The following TTN variants were observed in gnomAD, a reference collection of about 807,000 sequenced individuals.
TTN encodes the protein connectin.
TTN carries 1,525 observed loss-of-function variants against 3,223.0 expected under a neutral mutation model. The observed-to-expected ratio is 0.47, with a 90% CI of 0.45 to 0.49. The LOEUF (loss-of-function observed/expected upper bound fraction) is 0.49. Ranked by LOEUF, TTN falls within the 20% of genes least tolerant of loss-of-function variation. The pLI is 0.00. For synonymous variants in TTN, 14,094 were observed against 15,161.0 expected (o/e 0.93, Z 5.17); for missense variants, 40,786 against 43,424.0 (o/e 0.94, Z 5.40).
Position 178,561,439 on chromosome 2 carries a change from A to G in TTN, c.84693T>C (p.Ala28231=), listed in dbSNP as rs1463900936. 1.2e-6 allele frequency: 2 copies of G among 1,613,722 alleles called. No homozygotes were observed. Among genetic ancestry groups the G allele is most frequent in the Admixed American group, 3.3e-5 (2 of 59,978 alleles). ...ATTTACCAATTCCAGCAATATTTTC[A>G]GCATATACACGATACTCATACATCA... ...EGLMYEYRVY[A]ENIAGIGKCS... The change falls in exon 326 of 363, where the codon GCT becomes GCC. Residue 28231 remains alanine, a synonymous_variant. Transcript: ENST00000589042.
Position 178,727,084 on chromosome 2 carries a change from G to T in TTN, c.20275+6C>A. 6.7e-7 allele frequency: 1 copy of T among 1,496,766 alleles called. No individual in the cohort carries two copies. The highest frequency in any genetic ancestry group is 8.9e-7 in the Non-Finnish European group (1 of 1,118,576). 92.7% of individuals were successfully genotyped at this position (1,496,766 alleles called of 1,614,324 possible). ...TTAATGAGAAACACAAGAACAAGAT[G>T]TCTACCTTTTACTATAACCTTGGTA... On this transcript the variant is annotated splice_donor_region_variant and intron_variant, in intron 69 of 362. Transcript: ENST00000589042.
At chr2:178,789,307 T>C in intron 13 of TTN, 53 bp downstream of exon 13, 4 of 1,601,088 alleles carry the variant, frequency 2.5e-6, no homozygotes, top group Non-Finnish European at 3.4e-6. Context: ...ACATGATATG[T>C]GGTATTAATG....
intron 300 of TTN, 45 bp downstream of exon 300, chr2:178,592,730 G>T (rs569639812): frequency 6.2e-7 from 1 of 1,612,348 alleles, no homozygotes; most frequent in Non-Finnish European, 8.5e-7. Flanking sequence ...CATACAATCA[G>T]ACATCTATTT....
At position 178,572,398 on chromosome 2, in the gene TTN, C is replaced by T. The variant is rs753105114; in HGVS notation, c.73734G>A (p.Trp24578Ter). Residue 24578 changes from tryptophan to a stop codon, truncating the protein, a stop_gained, in exon 326 of 363, where the codon TGG becomes TGA. Transcript: ENST00000589042. LOFTEE classifies it high-confidence loss of function. ...AGCCTTCTTGAAGCTGGTCTACCTT[C>T]CAGGAAGTCTTGTGGCAGTTTGTTG... ...TVATNCHKTS[W>*]KVDQLQEGCS... is the part of the protein sequence containing the mutation. The T allele has an allele frequency of 6.2e-7, 1 of 1,613,048 alleles. No homozygotes were observed.
At position 178,539,405 on chromosome 2, in the gene TTN, G is replaced by C; in HGVS notation, c.98660C>G (p.Pro32887Arg). The change falls in exon 352 of 363, where the codon CCA becomes CGA. Residue 32887 changes from proline to arginine, a missense_variant. Pro to Arg is a moderately radical substitution (Grantham distance 103, BLOSUM62 -2). Transcript: ENST00000589042. ...ACTCAATGGTGTTTTTGGTGTGACTGGTTCCTCAGATTTCAAGGGTTTGCT... is the reference window on the plus strand; with the variant it reads ...ACTCAATGGTGTTTTTGGTGTGACTCGTTCCTCAGATTTCAAGGGTTTGCT... ...GISKPLKSEE[P>R]VTPKTPLNPP... is the part of the protein sequence containing the mutation. The C allele has an allele frequency of 6.2e-7, 1 of 1,612,580 alleles. No individual in the cohort carries two copies.
At chr2:178,754,058 A>C (rs1049367681) in intron 46 of TTN, 1 of 152,110 alleles carries the variant, frequency 6.6e-6, no homozygotes, top group African/African-American at 2.4e-5. Flanking sequence ...TGTGTTTGTA[A>C]GAATGAAAAA....
Position 178,533,603 on chromosome 2 carries a change from T to G in TTN, c.103012A>C (p.Lys34338Gln). The G allele has an allele frequency of 6.2e-7, 1 of 1,613,968 alleles. No individual in the cohort carries two copies. The highest frequency in any genetic ancestry group is 8.5e-7 in the Non-Finnish European group (1 of 1,179,858). ...DAEYTVVARN[K>Q]YGEDSCKAKL... ...GCTTTACAGCTGTCTTCACCATATT[T>G]GTTCCTTGCCACAACAGTATATTCA... The change falls in exon 358 of 363, where the codon AAA becomes CAA. Residue 34338 changes from lysine to glutamine, a missense_variant. Lys to Gln is a moderately conservative substitution (Grantham distance 53, BLOSUM62 1). Transcript: ENST00000589042.
intron 133 of TTN, 28 bp downstream of exon 133, chr2:178,683,971 T>TA: frequency 7.0e-7 from 1 of 1,432,904 alleles, no homozygotes; most frequent in South Asian, 1.4e-5. Flanking sequence ...TATTTTGATT[T>TA]TTTTTTTTTT....
At position 178,564,753 on chromosome 2, in the gene TTN, T is replaced by G. The variant is rs1325322358; in HGVS notation, c.81379A>C (p.Ile27127Leu). 1.9e-6 allele frequency: 3 copies of G among 1,612,620 alleles called. No individual in the cohort carries two copies. Among genetic ancestry groups the G allele is most frequent in the Admixed American group, 3.3e-5 (2 of 59,826 alleles). Residue 27127 changes from isoleucine to leucine, a missense_variant, in exon 326 of 363, where the codon ATT becomes CTT. By Grantham distance (5) the Ile-to-Leu change is conservative. Transcript: ENST00000589042. ...GTTGTTTTGAATTTGGTGTCCTGAA[T>G]GGGGGTCTTATTTAACTTGACCCAT... ...ILWVKLNKTPIQDTKFKTTGL... is the reference protein window; with the variant it reads ...ILWVKLNKTPLQDTKFKTTGL...
intron 227 of TTN, 62 bp downstream of exon 227, chr2:178,635,378 G>T: frequency 6.2e-7 from 1 of 1,606,220 alleles, no homozygotes; most frequent in South Asian, 1.1e-5. Flanking sequence ...GTGTTTTGGT[G>T]TGTTATTTGG....
chr2:178,533,193 T>C lies in TTN; in HGVS notation c.103422A>G (p.Gln34474=). Residue 34474 remains glutamine (Q), a synonymous_variant, in exon 358 of 363, where the codon CAA becomes CAG. Coordinates refer to ENST00000589042, the MANE Select transcript of TTN (RefSeq NM_001267550.2). ...KSKEEHERHV[Q]KQIDKTLRMA... is the part of the protein sequence containing the mutation. ...TTCTGAGGGTTTTGTCAATTTGTTT[T>C]TGTACGTGTCGCTCATGCTCCTCCT... 1 of 1,614,006 alleles carries C rather than the reference T, an allele frequency of 6.2e-7. No homozygotes were observed. Among genetic ancestry groups the C allele is most frequent in the African/African-American group, 1.3e-5 (1 of 75,062 alleles).
At position 178,569,878 on chromosome 2, in the gene TTN, G is replaced by A. The variant is rs1168341983; in HGVS notation, c.76254C>T (p.Thr25418=). ...PPNNPKVIDI[T]RSSVFLSWSK... ...TCCAAGAAAGGAATACTGAAGATCT[G>A]GTTATGTCTATGACTTTGGGGTTGT... is the stretch of plus-strand genomic sequence containing the variant. The change falls in exon 326 of 363, where the codon ACC becomes ACT. Residue 25418 remains threonine, a synonymous_variant. Transcript: ENST00000589042. 1.2e-6 allele frequency: 2 copies of A among 1,613,388 alleles called. No homozygotes were observed. The highest frequency in any genetic ancestry group is 1.1e-5 in the South Asian group (1 of 91,052).
At chr2:178,749,684 GC>G in intron 47 of TTN, 1 of 1,612,842 alleles carries the variant, frequency 6.2e-7, no homozygotes, top group Non-Finnish European at 8.5e-7. Context: ...ACTTTCAACT[GC>G]CCCTGAATTG....
In TTN at chr2:178,713,167, T is replaced by A; in HGVS notation, c.26967A>T (p.Glu8989Asp). The A allele has an allele frequency of 1.2e-6, 2 of 1,613,814 alleles. No homozygotes were observed. The highest frequency in any genetic ancestry group is 1.7e-6 in the Non-Finnish European group (2 of 1,179,760). ...NTCALTVNML[E>D]ESDSGDYTCI... The stretch of plus-strand genomic sequence containing the variant: ...ATGTGTAGTCACCACTGTCTGATTC[T>A]TCCAGCATGTTCACAGTTAAAGCAC... The change falls in exon 93 of 363, where the codon GAA (glutamate) becomes GAT (aspartate). Residue 8989 changes from glutamate (E) to aspartate (D), a missense_variant. Transcript: ENST00000589042.
chr2:178,681,620 A>T, intron 136 of TTN, 41 bp downstream of exon 136: 1 of 1,574,644 alleles, frequency 6.4e-7, no homozygotes, highest in Non-Finnish European at 8.6e-7. Flanking sequence ...CATGGAGGAA[A>T]CAAAGATCTC....
At chr2:178,640,132 G>C (rs773140105) in intron 221 of TTN, 22 bp from the exon 222 acceptor site, 2 of 1,606,442 alleles carry the variant, frequency 1.2e-6, no homozygotes, top group Non-Finnish European at 1.7e-6. Context: ...TAGAGTAGAG[G>C]GCAGATTATT....
chr2:178,613,420 A>G, intron 263 of TTN, 144 bp from the exon 264 acceptor site: 4 of 754,620 alleles, frequency 5.3e-6, no homozygotes, highest in Non-Finnish European at 8.3e-6. Flanking sequence ...AATATAAATT[A>G]AAAATTGCTT....
rs879210476 is a variant in TTN at position 178,624,505 on chromosome 2, A to G, written c.44775T>C (p.Asp14925=). 3.1e-6 allele frequency: 5 copies of G among 1,612,606 alleles called. No individual in the cohort carries two copies. In the African/African-American group the frequency reaches 4.0e-5, roughly 13 times the overall value. The change falls in exon 242 of 363, where the codon GAT becomes GAC. Residue 14925 remains aspartate (D), a synonymous_variant. Transcript: ENST00000589042. ...TPEDIKTYTC[D]AKDFKTSCNL... ...TACAGGAAGTCTTAAAATCCTTAGC[A>G]TCACAAGTGTATGTTTTAATATCCT...
intron 47 of TTN, chr2:178,742,838 A>G (rs550586428): frequency 7.2e-5 from 11 of 152,224 alleles, no homozygotes; most frequent in Non-Finnish European, 1.3e-4. Flanking sequence ...CTTCACTTGC[A>G]TCACATGAAA....
Sources: allele counts gnomAD v4.1 joint callset, GRCh38; gene constraint gnomAD v4.1.1; transcripts MANE v1.5; gene names NCBI Gene and HGNC (gene_info 2026-07-23, HGNC 2026-07-21).